Variants in TSC1 observed in about 807,000 individuals in gnomAD.
TSC1 encodes hamartin.
Under a neutral mutation model 124.3 loss-of-function variants are expected in TSC1, and 20 were observed. The ratio of observed to expected loss-of-function variants is 0.16; its 90% confidence interval spans 0.11 to 0.23. The LOEUF is 0.23. Ranked by LOEUF, TSC1 falls within the 10% of genes least tolerant of loss-of-function variation. The probability of loss-of-function intolerance (pLI) is 1.00; values close to 1 mark genes in which losing one functional copy is unlikely to be tolerated. For missense variants in TSC1, 1,124 were observed against 1,448.5 expected, an observed-to-expected ratio of 0.78 and a Z score of 3.64; for synonymous variants, 493 against 539.1, an observed-to-expected ratio of 0.91 and a Z score of 1.19.
At chr9:132,913,644 G>T (rs922029579) in intron 8 of TSC1, among the ~76,000 whole-genome samples, 6 of 151,866 alleles carry the variant, frequency 4.0e-5, no homozygotes, top group African/African-American at 1.5e-4. Flanking sequence ...GGCTAACATG[G>T]TGAACCCCCG....
chr9:132,934,158 G>A (rs2132376587), intron 2 of TSC1, among the ~76,000 whole-genome samples: 1 of 152,282 alleles, frequency 6.6e-6, no homozygotes, highest in Admixed American at 6.5e-5. Context: ...GCCTCGGCAT[G>A]AGTCACAGAG....
At chr9:132,912,713 G>A (rs763238457) in intron 8 of TSC1, 3 of 492,006 alleles carry the variant, frequency 6.1e-6, no homozygotes, top group African/African-American at 1.9e-5. Flanking sequence ...AAAAGACTAG[G>A]TGTAGCCTCA....
chr9:132,938,786 G>A (rs148261035), intron 1 of TSC1, among the ~76,000 whole-genome samples: 2 of 152,240 alleles, frequency 1.3e-5, no homozygotes, highest in African/African-American at 2.4e-5. Context: ...TACCTAAGAT[G>A]TCTTTAGAAT....
intron 2 of TSC1, chr9:132,934,587 C>G (rs1481111738): frequency 6.5e-6 from 1 of 153,164 alleles, no homozygotes; most frequent in Non-Finnish European, 1.5e-5. Flanking sequence ...TTTTATAAAC[C>G]CATGCAGATT....
intron 2 of TSC1, among the ~76,000 whole-genome samples, chr9:132,934,721 C>T (rs1847368060): frequency 6.6e-6 from 1 of 152,222 alleles, no homozygotes; most frequent in African/African-American, 2.4e-5. Context: ...GAATTGAGTC[C>T]ACTAAGTACC....
At position 132,911,046 on chromosome 9, in the gene TSC1, G is replaced by A. The variant is rs763915012; in HGVS notation, c.1097C>T (p.Pro366Leu). 1.5e-5 allele frequency: 25 copies of A among 1,614,066 alleles called. No individual in the cohort carries two copies. Among genetic ancestry groups the A allele is most frequent in the Non-Finnish European group, 2.0e-5 (24 of 1,180,036 alleles). Residue 366 changes from proline (P) to leucine (L), a missense_variant, in exon 11 of 23, where the codon CCA (proline) becomes CTA (leucine). Physicochemically the swap from Pro to Leu is moderately conservative, Grantham distance 98. This residue lies in a region of TSC1 where 463 missense variants were observed against 606.8 expected (regional missense o/e 0.76). Transcript: ENST00000298552. ...TTPPTSPGNV[P>L]PDLSHPYSKV... The stretch of plus-strand genomic sequence containing the variant: ...ACTGTAAGGGTGTGACAGATCAGGT[G>A]GGACATTTCCAGGAGAAGTTGGAGG...
rs143118722 is a variant in TSC1 at position 132,921,325 on chromosome 9, C to T, written c.737+38G>A. ...CTCCTAGATCACATTTTCAATCTCTCGAAAGATTCTTTAAAATTTTGACAC... is the reference window on the plus strand; with the variant it reads ...CTCCTAGATCACATTTTCAATCTCTTGAAAGATTCTTTAAAATTTTGACAC... On this transcript the variant is annotated intron_variant, in intron 8 of 22. Transcript: ENST00000298552. This position sits in a 1 kb window ranked among gnomAD's most constrained non-coding sequence, Gnocchi z 4.3. The T allele has an allele frequency of 2.5e-6, 4 of 1,602,758 alleles. No individual in the cohort carries two copies. The highest frequency in any genetic ancestry group is 3.3e-5 in the Admixed American group (2 of 59,958).
At chr9:132,920,509 A>G (rs903683575) in intron 8 of TSC1, among the ~76,000 whole-genome samples, 4 of 152,090 alleles carry the variant, frequency 2.6e-5, no homozygotes, top group African/African-American at 4.8e-5. Flanking sequence ...CACATTTTCT[A>G]TACTTCTCTA....
At chr9:132,897,060 G>A (rs529920506) in intron 22 of TSC1, 124 bp downstream of exon 22, 9 of 1,484,068 alleles carry the variant, frequency 6.1e-6, no homozygotes, top group Admixed American at 1.7e-5. Flanking sequence ...TCTCTGACAC[G>A]GAGTGAGCTG....
chr9:132,944,972 A>T (rs932477573), upstream of TSC1: 1 of 187,460 alleles, frequency 5.3e-6, no homozygotes, highest in Non-Finnish European at 1.1e-5. Flanking sequence ...GGGCGGGGGG[A>T]CGCGGCGGAG....
intron 4 of TSC1, 22 bp downstream of exon 4, chr9:132,927,179 C>T (rs1242634796): frequency 1.2e-6 from 2 of 1,607,276 alleles, no homozygotes; most frequent in South Asian, 2.2e-5. Context: ...ATATGAAATG[C>T]CTATGATATT....
chr9:132,928,800 C>T lies in TSC1; in HGVS notation c.73G>A (p.Val25Met), dbSNP rs1230244328. Reference protein sequence around the residue: ...DSPMLGVRDDVTAVFKENLNS... With the variant: ...DSPMLGVRDDMTAVFKENLNS... Reference sequence around the variant, plus strand: ...AGGTTCTCTTTAAAGACAGCTGTCACGTCGTCCCGCACACCCAGCATGGGG... The same window carrying T: ...AGGTTCTCTTTAAAGACAGCTGTCATGTCGTCCCGCACACCCAGCATGGGG... Residue 25 changes from valine to methionine, a missense_variant, in exon 3 of 23, where the codon GTG becomes ATG. Val to Met is a conservative substitution (Grantham distance 21). Around this residue, in one of 5 missense-constraint regions of TSC1, gnomAD observed 463 missense variants for 606.8 expected, o/e 0.76. Transcript: ENST00000298552. 1.6e-5 allele frequency: 26 copies of T among 1,614,062 alleles called. No homozygotes were observed. Among genetic ancestry groups the T allele is most frequent in the East Asian group, 1.6e-4 (7 of 44,894 alleles).
chr9:132,897,085 T>C, intron 22 of TSC1, 99 bp downstream of exon 22: 5 of 1,575,264 alleles, frequency 3.2e-6, no homozygotes, highest in Non-Finnish European at 4.3e-6. Context: ...TTGCAGCCTG[T>C]CTAGTCAGCA....
chr9:132,913,689 G>T (rs192033143), intron 8 of TSC1, among the ~76,000 whole-genome samples: 1 of 151,500 alleles, frequency 6.6e-6, no homozygotes, highest in African/African-American at 2.4e-5. Context: ...AGCTGGGCGC[G>T]GTGGCGGGCG....
At position 132,925,657 on chromosome 9, in the gene TSC1, C is replaced by G; in HGVS notation, c.293G>C (p.Arg98Thr). 1 of 1,614,206 alleles carries G rather than the reference C, an allele frequency of 6.2e-7. No individual in the cohort carries two copies. Among genetic ancestry groups the G allele is most frequent in the East Asian group, 2.2e-5 (1 of 44,880 alleles). ...CTTATGCTTCCAAGATGGCTGCAGT[C>G]TTATGACATGACCCAGTAACGAGAG... The part of the protein sequence containing the change: ...SILSLLGHVI[R>T]LQPSWKHKLS... Residue 98 changes from arginine (R) to threonine (T), a missense_variant, in exon 5 of 23, where the codon AGA (arginine) becomes ACA (threonine). Physicochemically the swap from Arg to Thr is moderately conservative, Grantham distance 71. Transcript: ENST00000298552.
In TSC1 at chr9:132,943,780, C is replaced by T. The variant is rs528859482; in HGVS notation, c.-144+763G>A. The T allele has an allele frequency of 2.0e-5, 3 of 152,296 alleles. No homozygotes were observed. In the South Asian group the frequency reaches 6.2e-4, roughly 32 times the overall value. The allele number at this position is 152,296 out of a possible 1,614,324, so 9.4% of individuals were successfully genotyped here. A position where few individuals can be genotyped will look rare whatever the true frequency, so the allele number is the denominator to read the frequency against. On this transcript the variant is annotated intron_variant, in intron 1 of 22. Coordinates refer to ENST00000298552, the MANE Select transcript of TSC1 (RefSeq NM_000368.5). ...GACCGCGTCCCCTCCCAAGTCCTCA[C>T]CACACATCCAAAACACACAAAGCAA...
Position 132,906,229 on chromosome 9 carries a change from A to G in TSC1, c.1439-90T>C. 1 of 1,400,834 alleles carries G rather than the reference A, an allele frequency of 7.1e-7. No individual in the cohort carries two copies. The highest frequency in any genetic ancestry group is 9.9e-7 in the Non-Finnish European group (1 of 1,012,302). The allele number at this position is 1,400,834 out of a possible 1,614,324, so 86.8% of individuals were successfully genotyped here. ...TTTGGGTGGCATGCTGCCACATGCC[A>G]GTGTCACTCAGAGAGAGGAGAAAAA... On this transcript the variant is annotated intron_variant, in intron 14 of 22. Transcript: ENST00000298552. The surrounding 1 kb of genome is among the most constrained non-coding windows in gnomAD (Gnocchi z 4.1).
chr9:132,891,664 G>C lies in TSC1; in HGVS notation c.*4571C>G, dbSNP rs909750367. 2.6e-5 allele frequency: 6 copies of C among 233,432 alleles called. No individual in the cohort carries two copies. The highest frequency in any genetic ancestry group is 4.2e-5 in the Non-Finnish European group (5 of 118,000). 14.5% of individuals were successfully genotyped at this position (233,432 alleles called of 1,614,324 possible). On this transcript the variant is annotated 3_prime_UTR_variant, in exon 23 of 23. Transcript: ENST00000298552. ...TTAAACTGCAAGTTTGCCACACATG[G>C]TTCATTCATGATTGAGTTATAAAAC... is the stretch of plus-strand genomic sequence containing the variant.
At position 132,897,615 on chromosome 9, in the gene TSC1, A is replaced by T; in HGVS notation, c.2626-5T>A. 2.9e-6 allele frequency: 3 copies of T among 1,046,448 alleles called. No individual in the cohort carries two copies. The highest frequency in any genetic ancestry group is 2.6e-6 in the Non-Finnish European group (2 of 767,146). The allele number at this position is 1,046,448 out of a possible 1,614,324, so 64.8% of individuals were successfully genotyped here. The stretch of plus-strand genomic sequence containing the variant: ...GGCTTTCATCATTTCTACTTCCTGA[A>T]AAAAAAAAAAAAAAAAGACTGGAAT... On this transcript the variant is annotated splice_region_variant and splice_polypyrimidine_tract_variant and intron_variant, in intron 20 of 22. Transcript: ENST00000298552.
Sources: allele counts gnomAD v4.1 joint callset (sites outside exome capture counted in the v4.1 genomes callset), GRCh38; gene constraint gnomAD v4.1.1; regional missense constraint gnomAD v4.1.1; non-coding constraint Gnocchi (gnomAD v3.1); transcripts MANE v1.5; gene names NCBI Gene and HGNC (gene_info 2026-07-23, HGNC 2026-07-21).